POFUT3: variants seen among roughly 807,000 people sequenced by gnomAD.
POFUT3 encodes GDP-fucose protein O-fucosyltransferase 3.
At chr8:33,351,106 C>T in the POFUT3 span, among the ~76,000 whole-genome samples, 4 of 152,098 alleles carry the variant, frequency 2.6e-5, no homozygotes, top group South Asian at 2.1e-4. Context: ...AGGTGTGCAC[C>T]GCCACACCCG....
At chr8:33,382,671 G>C in the POFUT3 span, among the ~76,000 whole-genome samples, 8 of 152,292 alleles carry the variant, frequency 5.3e-5, no homozygotes, top group African/African-American at 1.7e-4. Flanking sequence ...GGCAACTGAA[G>C]ACCCAAATCA....
chr8:33,465,389 C>CATATAT, the POFUT3 span, among the ~76,000 whole-genome samples: 60 of 145,510 alleles, frequency 4.1e-4, no homozygotes, highest in Non-Finnish European at 6.6e-4. Context: ...TGCCCAAGAT[C>CATATAT]ATATATATAT....
chr8:33,463,174 A>G, the POFUT3 span, among the ~76,000 whole-genome samples: 1 of 152,004 alleles, frequency 6.6e-6, no homozygotes, highest in Non-Finnish European at 1.5e-5. Flanking sequence ...GTCCTATAAA[A>G]ATAATATAGA....
chr8:33,375,794 ATC>A, the POFUT3 span, among the ~76,000 whole-genome samples: 2 of 152,128 alleles, frequency 1.3e-5, no homozygotes, highest in African/African-American at 4.8e-5. Flanking sequence ...AGGCAGGTGG[ATC>A]ACCTGAGGTC....
At chr8:33,428,583 G>C in the POFUT3 span, among the ~76,000 whole-genome samples, 3 of 152,152 alleles carry the variant, frequency 2.0e-5, no homozygotes, top group African/African-American at 4.8e-5. Context: ...GATTAGTACA[G>C]CTTTTAAACA....
chr8:33,424,309 T>A, the POFUT3 span, among the ~76,000 whole-genome samples: 15 of 152,270 alleles, frequency 9.9e-5, 1 homozygote, highest in African/African-American at 2.9e-4. Flanking sequence ...TTTGTGCCTG[T>A]AACACAGAAG....
At chr8:33,373,438 G>T in the POFUT3 span, among the ~76,000 whole-genome samples, 1 of 152,090 alleles carries the variant, frequency 6.6e-6, no homozygotes, top group Admixed American at 6.6e-5. Context: ...CAACAATAAT[G>T]GTACCTGACA....
chr8:33,447,316 G>T, the POFUT3 span, among the ~76,000 whole-genome samples: 1 of 152,136 alleles, frequency 6.6e-6, no homozygotes, highest in Non-Finnish European at 1.5e-5. Flanking sequence ...AAGTGTGGTG[G>T]CGGGTGCCTG....
the POFUT3 span, among the ~76,000 whole-genome samples, chr8:33,437,317 G>C: frequency 6.6e-6 from 1 of 151,016 alleles, no homozygotes; most frequent in Non-Finnish European, 1.5e-5. Context: ...AATGGAGCTC[G>C]AACTCCCCTA....
chr8:33,428,039 G>A, the POFUT3 span, among the ~76,000 whole-genome samples: 3 of 152,118 alleles, frequency 2.0e-5, no homozygotes, highest in Non-Finnish European at 2.9e-5. Flanking sequence ...CAGGAAAATC[G>A]CTTGAAACCA....
the POFUT3 span, among the ~76,000 whole-genome samples, chr8:33,316,004 GATT>G: frequency 1.6e-4 from 24 of 152,058 alleles, no homozygotes; most frequent in Non-Finnish European, 2.9e-4. Flanking sequence ...CTGGGGAGTG[GATT>G]ATCTTTGCTG....
the POFUT3 span, among the ~76,000 whole-genome samples, chr8:33,402,664 G>A: frequency 2.0e-5 from 3 of 152,108 alleles, no homozygotes; most frequent in Non-Finnish European, 2.9e-5. Flanking sequence ...GTCTAATACT[G>A]TAAACAAATA....
the POFUT3 span, chr8:33,461,644 G>A: frequency 1.1e-4 from 161 of 1,524,780 alleles, 2 homozygotes; most frequent in East Asian, 3.1e-3. Context: ...GCTTGGCATC[G>A]AGAGGAAGCA....
At chr8:33,376,285 C>A in the POFUT3 span, among the ~76,000 whole-genome samples, 1 of 151,890 alleles carries the variant, frequency 6.6e-6, no homozygotes, top group East Asian at 1.9e-4. Flanking sequence ...GAATCTTCAT[C>A]CATTCCAAAT....
the POFUT3 span, among the ~76,000 whole-genome samples, chr8:33,367,379 C>T: frequency 5.3e-5 from 8 of 152,200 alleles, no homozygotes; most frequent in Admixed American, 2.6e-4. Flanking sequence ...TCCTTTAATT[C>T]GGCCCATCCC....
At chr8:33,341,671 G>A in the POFUT3 span, among the ~76,000 whole-genome samples, 1 of 151,510 alleles carries the variant, frequency 6.6e-6, no homozygotes, top group Non-Finnish European at 1.5e-5. Flanking sequence ...AGAAGCTAGG[G>A]AAAAAAAAGA....
the POFUT3 span, among the ~76,000 whole-genome samples, chr8:33,335,306 C>T: frequency 1.3e-5 from 2 of 152,094 alleles, no homozygotes; most frequent in African/African-American, 4.8e-5. Flanking sequence ...TTTTACCAAA[C>T]TTTGGTGTTG....
the POFUT3 span, among the ~76,000 whole-genome samples, chr8:33,363,464 A>T: frequency 6.6e-6 from 1 of 152,204 alleles, no homozygotes; most frequent in African/African-American, 2.4e-5. Flanking sequence ...CCCTTCAAAA[A>T]ATCAATGAAT....
the POFUT3 span, among the ~76,000 whole-genome samples, chr8:33,353,219 G>A: frequency 6.6e-6 from 1 of 152,170 alleles, no homozygotes; most frequent in African/African-American, 2.4e-5. Flanking sequence ...GCTTGCAGGG[G>A]TGTTAGACAA....
Sources: gnomAD v4.1 joint callset for allele counts (sites outside exome capture counted in the v4.1 genomes callset) on GRCh38, gnomAD v4.1.1 for gene constraint, MANE v1.5 for transcripts, NCBI Gene and HGNC (gene_info 2026-07-23, HGNC 2026-07-21) for gene names.